The following DPP6 variants were observed in gnomAD, a reference collection of about 807,000 sequenced individuals.
The protein encoded by DPP6 is dipeptidyl peptidase like 6, also known as A-type potassium channel modulatory protein DPP6.
DPP6 carries 69 observed loss-of-function variants against 122.6 expected under a neutral mutation model. The observed-to-expected ratio is 0.56, with a 90% CI of 0.46 to 0.69. The LOEUF (loss-of-function observed/expected upper bound fraction) is 0.69, where lower values mean the gene tolerates loss of function less well. Among genes scored for constraint, DPP6 ranks in the 30% least tolerant of loss-of-function variants. The pLI, the probability that DPP6 is intolerant of heterozygous loss-of-function variation, is 0.00. For missense variants in DPP6, 928 were observed against 1,116.9 expected (o/e 0.83, Z 2.41); for synonymous variants, 418 against 433.1 (o/e 0.97, Z 0.43).
At chr7:154,330,227 G>A (rs183533232) in intron 1 of DPP6, among the ~76,000 whole-genome samples, 171 of 152,336 alleles carry the variant, frequency 1.1e-3, no homozygotes, top group African/African-American at 3.9e-3. Flanking sequence ...GTGACTGAGA[G>A]ATGCAATTCT....
At chr7:153,925,539 G>C (rs893222572) in intron 1 of DPP6, among the ~76,000 whole-genome samples, 5 of 151,724 alleles carry the variant, frequency 3.3e-5, no homozygotes, top group African/African-American at 4.8e-5. Flanking sequence ...GAGGGTCCCC[G>C]AGGTTCTGAT....
At chr7:154,553,384 G>A (rs967586873) in intron 4 of DPP6, among the ~76,000 whole-genome samples, 23 of 152,138 alleles carry the variant, frequency 1.5e-4, no homozygotes, top group African/African-American at 5.3e-4. Context: ...GAAACAGATT[G>A]TGAAGTAGAA....
chr7:154,084,884 G>A (rs1804274358), intron 1 of DPP6, among the ~76,000 whole-genome samples: 1 of 151,116 alleles, frequency 6.6e-6, no homozygotes, highest in African/African-American at 2.4e-5. Flanking sequence ...CAGCTACTTG[G>A]GAGGCTGAGG....
rs1048916005 is a variant in DPP6 at position 154,501,943 on chromosome 7, G to T, written c.457+26906G>T. Among the ~76,000 whole-genome samples the T allele has an allele frequency of 2.0e-4, 30 of 152,256 alleles. 1 individual carries two copies. The highest frequency in any genetic ancestry group is 4.1e-4 in the South Asian group (2 of 4,824). On this transcript the variant is annotated intron_variant, in intron 3 of 25. Coordinates refer to ENST00000377770, the MANE Select transcript of DPP6 (RefSeq NM_130797.4). ...GGAGGCTGTCCCCTGCAGAGCCACA[G>T]GAGTGGAGCTGCCCAAAACCATAAG... is the stretch of plus-strand genomic sequence containing the variant.
intron 1 of DPP6, among the ~76,000 whole-genome samples, chr7:154,420,640 G>A (rs1402494722): frequency 1.3e-5 from 2 of 152,078 alleles, no homozygotes; most frequent in Non-Finnish European, 2.9e-5. Flanking sequence ...TCTATTGCAC[G>A]GCATGGTAAC....
chr7:154,273,853 C>T (rs1258669032), intron 1 of DPP6, among the ~76,000 whole-genome samples: 1 of 152,194 alleles, frequency 6.6e-6, no homozygotes, highest in Non-Finnish European at 1.5e-5. Flanking sequence ...CCAAGTGAAA[C>T]AATGCTAGGC....
chr7:153,880,288 C>A, the DPP6 span, among the ~76,000 whole-genome samples: 2 of 152,174 alleles, frequency 1.3e-5, no homozygotes, highest in African/African-American at 2.4e-5. Context: ...AAAATATATA[C>A]TGTGCTTCAC....
At chr7:153,947,891 C>G (rs1037805500) in intron 1 of DPP6, among the ~76,000 whole-genome samples, 2 of 152,188 alleles carry the variant, frequency 1.3e-5, no homozygotes, top group African/African-American at 4.8e-5. Context: ...GCGCCTGACA[C>G]TGCTCACATT....
rs117196962 is a variant in DPP6 at position 154,755,298 on chromosome 7, G to A, written c.884-14119G>A. On this transcript the variant is annotated intron_variant, in intron 8 of 25. Coordinates refer to ENST00000377770, the MANE Select transcript of DPP6 (RefSeq NM_130797.4). This position sits in a 1 kb window ranked among gnomAD's most constrained non-coding sequence, Gnocchi z 4.7. ...CACTTGATAGGATGTTTTGAGACCCGGACATCCCCAGCAGCCCAGCATGCA... is the reference window on the plus strand; with the variant it reads ...CACTTGATAGGATGTTTTGAGACCCAGACATCCCCAGCAGCCCAGCATGCA... Among the ~76,000 whole-genome samples the A allele has an allele frequency of 4.9e-3, 749 of 152,052 alleles. 8 individuals are homozygous for A. The highest frequency in any genetic ancestry group is 6.6e-3 in the Non-Finnish European group (446 of 67,980).
At chr7:154,575,614 T>C in intron 5 of DPP6, among the ~76,000 whole-genome samples, 1 of 107,384 alleles carries the variant, frequency 9.3e-6, no homozygotes, top group African/African-American at 3.8e-5. Context: ...TGTGTGTATG[T>C]GTGTGTGGTG....
At chr7:154,417,217 A>G (rs1817101528) in intron 1 of DPP6, among the ~76,000 whole-genome samples, 1 of 152,194 alleles carries the variant, frequency 6.6e-6, no homozygotes, top group Non-Finnish European at 1.5e-5. Flanking sequence ...TGACTCGCTG[A>G]CATGGAAATT....
intron 1 of DPP6, among the ~76,000 whole-genome samples, chr7:154,229,363 C>G (rs1416520593): frequency 6.6e-6 from 1 of 152,218 alleles, no homozygotes; most frequent in Non-Finnish European, 1.5e-5. Context: ...ATTGAAAGCT[C>G]TGCTCTTGTC....
upstream of DPP6, among the ~76,000 whole-genome samples, chr7:154,049,575 A>G (rs1800191448): frequency 7.9e-6 from 1 of 126,814 alleles, no homozygotes; most frequent in Non-Finnish European, 1.8e-5. Flanking sequence ...CACACGAGGT[A>G]TAGAACATTT....
the DPP6 span, among the ~76,000 whole-genome samples, chr7:153,760,387 T>A: frequency 6.6e-6 from 1 of 152,212 alleles, no homozygotes; most frequent in African/African-American, 2.4e-5. Context: ...TTTCAATTGA[T>A]CAAATGCCAT....
At chr7:153,883,737 G>A (rs1798818992), upstream of DPP6, among the ~76,000 whole-genome samples, 1 of 152,192 alleles carries the variant, frequency 6.6e-6, no homozygotes, top group Admixed American at 6.5e-5. Context: ...TATTCCATAT[G>A]GCAGTGGCTC....
chr7:154,540,741 T>C, intron 4 of DPP6, 115 bp downstream of exon 4: 1 of 632,788 alleles, frequency 1.6e-6, no homozygotes, highest in South Asian at 2.0e-5. Flanking sequence ...AGCAATAAAC[T>C]TGTAATACTA....
intron 1 of DPP6, among the ~76,000 whole-genome samples, chr7:154,240,652 A>G (rs774092799): frequency 6.6e-6 from 1 of 152,204 alleles, no homozygotes; most frequent in Non-Finnish European, 1.5e-5. Flanking sequence ...TTCCCTGAGT[A>G]TTCCCAGTTT....
chr7:154,323,559 CT>C (rs1194294417), intron 1 of DPP6, among the ~76,000 whole-genome samples: 3 of 152,218 alleles, frequency 2.0e-5, no homozygotes, highest in Non-Finnish European at 4.4e-5. Context: ...TTTTGGTCCC[CT>C]AACCATGAGG....
chr7:154,272,046 A>G (rs966285589), intron 1 of DPP6, among the ~76,000 whole-genome samples: 3 of 152,206 alleles, frequency 2.0e-5, no homozygotes, highest in African/African-American at 7.2e-5. Context: ...TACATTTTGC[A>G]TCCTGAAATA....
Sources: allele counts gnomAD v4.1 joint callset (sites outside exome capture counted in the v4.1 genomes callset), GRCh38; gene constraint gnomAD v4.1.1; non-coding constraint Gnocchi (gnomAD v3.1); transcripts MANE v1.5; gene names NCBI Gene and HGNC (gene_info 2026-07-23, HGNC 2026-07-21).